Variants in CCDC38 observed in about 807,000 individuals in gnomAD.
CCDC38 encodes coiled-coil domain containing 38, also known as coiled-coil domain-containing protein 38.
Under a neutral mutation model 72.8 loss-of-function variants are expected in CCDC38, and 69 were observed. The observed-to-expected ratio is 0.95, with a 90% CI of 0.78 to 1.16. CCDC38 has a LOEUF of 1.16. Ranked by LOEUF, CCDC38 falls within the 50% of genes most tolerant of loss-of-function variation. The pLI is 0.00. For synonymous variants in CCDC38, 201 were observed against 213.2 expected, an observed-to-expected ratio of 0.94 and a Z score of 0.50; for missense variants, 626 against 638.9, an observed-to-expected ratio of 0.98 and a Z score of 0.22.
rs368180346 is a variant in CCDC38 at position 95,882,194 on chromosome 12, G to A, written c.921-640C>T. On this transcript the variant is annotated intron_variant, in intron 10 of 15. Coordinates refer to ENST00000344280, the MANE Select transcript of CCDC38 (RefSeq NM_182496.3). ...AGAAGCAGGGATAGGGAGAGAGTAA[G>A]TTGGCTGTTGTTGTGATCTAGGTCA... Among the ~76,000 whole-genome samples, 123 of 152,302 alleles carry A rather than the reference G, an allele frequency of 8.1e-4. No homozygotes were observed. The South Asian group carries it at 0.011, about 14-fold the overall frequency.
chr12:95,927,075 G>A (rs2136732936), intron 2 of CCDC38, among the ~76,000 whole-genome samples: 1 of 152,178 alleles, frequency 6.6e-6, no homozygotes, highest in Non-Finnish European at 1.5e-5. Flanking sequence ...GTGCAGAGCT[G>A]AGTTCAATTC....
At chr12:95,905,499 T>C (rs1481060814) in intron 5 of CCDC38, among the ~76,000 whole-genome samples, 1 of 152,224 alleles carries the variant, frequency 6.6e-6, no homozygotes, top group East Asian at 1.9e-4. Context: ...GTTCTATTTA[T>C]AACTTTATCA....
chr12:95,875,521 G>A (rs2079626331), intron 13 of CCDC38, among the ~76,000 whole-genome samples: 1 of 152,136 alleles, frequency 6.6e-6, no homozygotes, highest in African/African-American at 2.4e-5. Context: ...AATCAAATAT[G>A]TCAATTATAC....
At chr12:95,913,212 G>A (rs979322897) in intron 4 of CCDC38, among the ~76,000 whole-genome samples, 16 of 152,224 alleles carry the variant, frequency 1.1e-4, no homozygotes, top group Admixed American at 3.3e-4. Flanking sequence ...GTGGGAATAT[G>A]AGTAAATTAC....
At chr12:95,893,436 TCCCTC>T (rs2079852028) in intron 8 of CCDC38, among the ~76,000 whole-genome samples, 2 of 69,196 alleles carry the variant, frequency 2.9e-5, no homozygotes, top group Admixed American at 1.9e-4. Flanking sequence ...CCTCCCTCCC[TCCCTC>T]CCTTCCTTCC....
chr12:95,871,156 C>CT (rs1330034866), intron 14 of CCDC38, among the ~76,000 whole-genome samples: 1 of 152,182 alleles, frequency 6.6e-6, no homozygotes, highest in Non-Finnish European at 1.5e-5. Context: ...AGCTAGGGGT[C>CT]ATATTTACAA....
chr12:95,904,552 A>T (rs1225500128), intron 5 of CCDC38, among the ~76,000 whole-genome samples: 1 of 152,266 alleles, frequency 6.6e-6, no homozygotes, highest in Non-Finnish European at 1.5e-5. Flanking sequence ...CAAAGCTTCC[A>T]GTGTTCCCTC....
In CCDC38 at chr12:95,880,933, T is replaced by C. The variant is rs928731129; in HGVS notation, c.990+552A>G. Among the ~76,000 whole-genome samples, 41 of 152,336 alleles carry C rather than the reference T, an allele frequency of 2.7e-4. 1 individual carries two copies. The highest frequency in any genetic ancestry group is 2.2e-3 in the Admixed American group (34 of 15,300). ...ATCTATTGCTTACAGTTGACACTAC[T>C]GTAATGCACACTTAAAATGGCTAAA... is the stretch of plus-strand genomic sequence containing the variant. On this transcript the variant is annotated intron_variant, in intron 11 of 15. Transcript: ENST00000344280.
chr12:95,877,858 G>C (rs1390377554), intron 13 of CCDC38, among the ~76,000 whole-genome samples: 1 of 152,144 alleles, frequency 6.6e-6, no homozygotes, highest in African/African-American at 2.4e-5. Flanking sequence ...TTGATTCATG[G>C]CTTCCTCTGT....
intron 9 of CCDC38, 126 bp from the exon 10 acceptor site, chr12:95,888,632 T>C (rs1304077840): frequency 2.6e-5 from 19 of 732,094 alleles, no homozygotes; most frequent in Middle Eastern, 2.4e-4. Context: ...GACATGCCCA[T>C]TACTTCTTTC....
chr12:95,876,592 A>T (rs1162137893), intron 13 of CCDC38, among the ~76,000 whole-genome samples: 1 of 152,156 alleles, frequency 6.6e-6, no homozygotes, highest in Non-Finnish European at 1.5e-5. Context: ...GGTTAGAAAA[A>T]AACAGCACTG....
At chr12:95,899,101 C>T (rs923988731) in intron 5 of CCDC38, among the ~76,000 whole-genome samples, 3 of 152,150 alleles carry the variant, frequency 2.0e-5, no homozygotes, top group East Asian at 3.8e-4. Context: ...CCAGCTTCTC[C>T]TCCAATAGGA....
chr12:95,927,065 G>A (rs1171181135), intron 2 of CCDC38, among the ~76,000 whole-genome samples: 3 of 152,014 alleles, frequency 2.0e-5, no homozygotes, highest in Non-Finnish European at 4.4e-5. Flanking sequence ...GGTCTGCTTG[G>A]TGCAGAGCTG....
At chr12:95,870,211 T>C (rs1013618756) in intron 14 of CCDC38, among the ~76,000 whole-genome samples, 5 of 152,194 alleles carry the variant, frequency 3.3e-5, no homozygotes, top group African/African-American at 7.2e-5. Context: ...AATAAATGCA[T>C]AGCTTAGTGA....
intron 2 of CCDC38, among the ~76,000 whole-genome samples, chr12:95,927,048 T>A (rs1218037236): frequency 2.6e-5 from 4 of 152,108 alleles, no homozygotes; most frequent in Non-Finnish European, 5.9e-5. Flanking sequence ...TCTGTAGATG[T>A]CTATTAGGTC....
intron 2 of CCDC38, among the ~76,000 whole-genome samples, chr12:95,927,228 G>A (rs1001796203): frequency 6.7e-6 from 1 of 149,500 alleles, no homozygotes; most frequent in Non-Finnish European, 1.5e-5. Context: ...GGGTGCTCCT[G>A]TATTGGGTGC....
chr12:95,927,423 T>A (rs1193843372), intron 2 of CCDC38, among the ~76,000 whole-genome samples: 1 of 149,614 alleles, frequency 6.7e-6, no homozygotes, highest in Admixed American at 6.7e-5. Context: ...ATTTTGAGCC[T>A]ATGTGTGTCT....
chr12:95,921,234 CTCTTTATT>C (rs1369025252), intron 2 of CCDC38, among the ~76,000 whole-genome samples: 2 of 152,180 alleles, frequency 1.3e-5, no homozygotes, highest in East Asian at 1.9e-4. Context: ...AACTTTCTCT[CTCTTTATT>C]TCTTTATTTC....
At chr12:95,926,606 C>A (rs1230222664) in intron 2 of CCDC38, among the ~76,000 whole-genome samples, 2 of 151,928 alleles carry the variant, frequency 1.3e-5, no homozygotes, top group African/African-American at 2.4e-5. Flanking sequence ...TTTGCTCTTG[C>A]TTTTCTAGTT....
Sources: gnomAD v4.1 joint callset for allele counts (sites outside exome capture counted in the v4.1 genomes callset) on GRCh38, gnomAD v4.1.1 for gene constraint, MANE v1.5 for transcripts, NCBI Gene and HGNC (gene_info 2026-07-23, HGNC 2026-07-21) for gene names.